PLCB1: variants seen among roughly 807,000 people sequenced by gnomAD.
The protein encoded by PLCB1 is 1-phosphatidylinositol 4,5-bisphosphate phosphodiesterase beta-1.
In PLCB1, 46 loss-of-function variants were observed where a neutral mutation model predicts 161.8. The observed-to-expected ratio is 0.28, with a 90% CI of 0.22 to 0.36. PLCB1 has a LOEUF of 0.36. Ranked by LOEUF, PLCB1 falls within the 10% of genes least tolerant of loss-of-function variation. PLCB1 has a pLI of 1.00. For missense variants in PLCB1, 1,016 were observed against 1,472.5 expected (o/e 0.69, Z 5.07); for synonymous variants, 517 against 503.7 (o/e 1.03, Z -0.35).
At chr20:8,651,116 T>C (rs963806241) in intron 7 of PLCB1, among the ~76,000 whole-genome samples, 1 of 152,204 alleles carries the variant, frequency 6.6e-6, no homozygotes, top group Non-Finnish European at 1.5e-5. Flanking sequence ...CTCCTTTCAT[T>C]ATTTTTATCT....
chr20:8,460,642 A>C (rs1981536109), intron 3 of PLCB1, among the ~76,000 whole-genome samples: 1 of 152,194 alleles, frequency 6.6e-6, no homozygotes, highest in African/African-American at 2.4e-5. Context: ...TTGAATGTAA[A>C]GTTCTTTATG....
chr20:8,651,436 G>T (rs745688333), intron 7 of PLCB1: 11 of 726,540 alleles, frequency 1.5e-5, no homozygotes, highest in Admixed American at 1.9e-5. Context: ...ATGAGGCTGC[G>T]AAAAGTGAGC....
chr20:8,416,000 T>A (rs1018492274), intron 3 of PLCB1, among the ~76,000 whole-genome samples: 2 of 152,194 alleles, frequency 1.3e-5, no homozygotes, highest in African/African-American at 4.8e-5. Context: ...GCTTTCCTCA[T>A]CAATGTTTAT....
intron 4 of PLCB1, among the ~76,000 whole-genome samples, chr20:8,633,333 G>C (rs748953980): frequency 6.6e-6 from 1 of 152,112 alleles, no homozygotes; most frequent in Non-Finnish European, 1.5e-5. Context: ...TATAGCAGAA[G>C]TTCAGTTTTG....
chr20:8,713,802 C>T (rs1038961455), intron 12 of PLCB1, among the ~76,000 whole-genome samples: 1 of 152,176 alleles, frequency 6.6e-6, no homozygotes. Flanking sequence ...ATCCTGTCAC[C>T]TGCAGCATTA....
chr20:8,740,499 G>A, intron 22 of PLCB1, 51 bp downstream of exon 22: 1 of 1,029,156 alleles, frequency 9.7e-7, no homozygotes, highest in African/African-American at 1.7e-5. Context: ...ATTTCTGTCT[G>A]AGTCACCATA....
chr20:8,227,585 G>A (rs932926391), intron 2 of PLCB1, among the ~76,000 whole-genome samples: 2 of 152,172 alleles, frequency 1.3e-5, no homozygotes, highest in Non-Finnish European at 2.9e-5. Flanking sequence ...TGACAGCAAA[G>A]CTCCAATTCT....
chr20:8,199,028 T>C (rs1287856921), intron 2 of PLCB1, among the ~76,000 whole-genome samples: 1 of 147,474 alleles, frequency 6.8e-6, no homozygotes, highest in East Asian at 1.9e-4. Flanking sequence ...ACATTAAAAA[T>C]TTTTTTTCTA....
intron 3 of PLCB1, among the ~76,000 whole-genome samples, chr20:8,464,173 AT>A (rs1244684969): frequency 6.6e-6 from 1 of 152,156 alleles, no homozygotes; most frequent in Non-Finnish European, 1.5e-5. Flanking sequence ...GGCAATTGTT[AT>A]TCCTCTGAAG....
intron 2 of PLCB1, among the ~76,000 whole-genome samples, chr20:8,195,509 T>A (rs2052012548): frequency 6.6e-6 from 1 of 152,092 alleles, no homozygotes; most frequent in African/African-American, 2.4e-5. Context: ...TGCATCCTCT[T>A]CATCCAACTT....
intron 10 of PLCB1, among the ~76,000 whole-genome samples, chr20:8,695,671 T>C (rs1183982667): frequency 6.6e-6 from 1 of 152,150 alleles, no homozygotes; most frequent in African/African-American, 2.4e-5. Flanking sequence ...CACTGCACTC[T>C]AGCCTCGGTG....
At chr20:8,190,022 C>T (rs1031786821) in intron 2 of PLCB1, among the ~76,000 whole-genome samples, 1 of 152,038 alleles carries the variant, frequency 6.6e-6, no homozygotes, top group Admixed American at 6.6e-5. Context: ...GAATTAATGG[C>T]AAACTTATGA....
At chr20:8,311,828 G>C (rs192964347) in intron 2 of PLCB1, among the ~76,000 whole-genome samples, 1 of 152,256 alleles carries the variant, frequency 6.6e-6, no homozygotes. Flanking sequence ...TAAAGTTAAG[G>C]TTGGTCTGTA....
At chr20:8,607,646 C>G (rs747159528) in intron 3 of PLCB1, among the ~76,000 whole-genome samples, 1 of 152,082 alleles carries the variant, frequency 6.6e-6, no homozygotes, top group Non-Finnish European at 1.5e-5. Context: ...ATTATTTTAC[C>G]TTACCCCATT....
At chr20:8,487,087 AT>A (rs1982761918) in intron 3 of PLCB1, among the ~76,000 whole-genome samples, 2 of 152,172 alleles carry the variant, frequency 1.3e-5, no homozygotes, top group Non-Finnish European at 2.9e-5. Flanking sequence ...TTCTTTTTGT[AT>A]TACAAAATGT....
intron 3 of PLCB1, among the ~76,000 whole-genome samples, chr20:8,374,223 A>G (rs536709760): frequency 7.9e-5 from 12 of 152,206 alleles, no homozygotes; most frequent in Admixed American, 7.2e-4. Flanking sequence ...GTGAGTTCTC[A>G]CGAGATCTGA....
chr20:8,337,924 A>G (rs1238843532), intron 2 of PLCB1, among the ~76,000 whole-genome samples: 2 of 152,196 alleles, frequency 1.3e-5, no homozygotes, highest in African/African-American at 4.8e-5. Context: ...CTAAAGTTGT[A>G]GAGTTGTCCA....
At chr20:8,383,798 A>G (rs1987336606) in intron 3 of PLCB1, among the ~76,000 whole-genome samples, 1 of 152,182 alleles carries the variant, frequency 6.6e-6, no homozygotes, top group African/African-American at 2.4e-5. Flanking sequence ...TTGGCTGGAT[A>G]TGAAATTCTG....
intron 3 of PLCB1, among the ~76,000 whole-genome samples, chr20:8,446,816 A>G (rs8122388): frequency 0.015 from 2,277 of 152,182 alleles, 60 homozygotes; most frequent in African/African-American, 0.052. Flanking sequence ...GGTGCTTCTG[A>G]TGACTTACTT....
Sources: gnomAD v4.1 joint callset for allele counts (sites outside exome capture counted in the v4.1 genomes callset) on GRCh38, gnomAD v4.1.1 for gene constraint, MANE v1.5 for transcripts, NCBI Gene and HGNC (gene_info 2026-07-23, HGNC 2026-07-21) for gene names.